STK32B: variants seen among roughly 807,000 people sequenced by gnomAD.
STK32B encodes serine/threonine-protein kinase 32B.
Under a neutral mutation model 52.6 loss-of-function variants are expected in STK32B, and 43 were observed. That is an observed-to-expected ratio of 0.82 (90% CI 0.64 to 1.05). The LOEUF (loss-of-function observed/expected upper bound fraction) is 1.05, where lower values mean the gene tolerates loss of function less well. STK32B is among the 50% of genes least tolerant of loss of function. STK32B has a pLI of 0.00. For synonymous variants in STK32B, 238 were observed against 204.3 expected, an observed-to-expected ratio of 1.17 and a Z score of -1.41; for missense variants, 621 against 534.6, an observed-to-expected ratio of 1.16 and a Z score of -1.59.
At chr4:5,493,339 T>G (rs2108729172) in intron 11 of STK32B, among the ~76,000 whole-genome samples, 1 of 152,350 alleles carries the variant, frequency 6.6e-6, no homozygotes, top group Admixed American at 6.5e-5. Flanking sequence ...TTCATCCATT[T>G]CTTCTAGATT....
chr4:5,178,171 T>C (rs1720074544), intron 3 of STK32B, among the ~76,000 whole-genome samples: 2 of 152,186 alleles, frequency 1.3e-5, no homozygotes, highest in Admixed American at 1.3e-4. Flanking sequence ...TTTCTATACA[T>C]CCTCTGAAAT....
chr4:5,175,898 A>G (rs1719837820), intron 3 of STK32B, among the ~76,000 whole-genome samples: 1 of 152,242 alleles, frequency 6.6e-6, no homozygotes. Context: ...CTGCCCCCAG[A>G]GGTGGAGCCT....
chr4:5,267,666 AG>A (rs1391745520), intron 3 of STK32B, among the ~76,000 whole-genome samples: 1 of 152,192 alleles, frequency 6.6e-6, no homozygotes, highest in African/African-American at 2.4e-5. Context: ...TGGTTATGCA[AG>A]TCTCCTGATG....
chr4:5,303,688 T>G (rs1236141189), intron 3 of STK32B, among the ~76,000 whole-genome samples: 2 of 152,142 alleles, frequency 1.3e-5, no homozygotes, highest in East Asian at 3.8e-4. Flanking sequence ...TTAGTTTAAT[T>G]AATTCCCATC....
At chr4:5,498,044 A>G (rs564154321) in intron 11 of STK32B, among the ~76,000 whole-genome samples, 1 of 152,310 alleles carries the variant, frequency 6.6e-6, no homozygotes, top group East Asian at 1.9e-4. Context: ...TGAACAATAG[A>G]ATCCCTAGTT....
intron 4 of STK32B, among the ~76,000 whole-genome samples, chr4:5,356,358 C>T (rs1577388481): frequency 6.6e-6 from 1 of 152,240 alleles, no homozygotes; most frequent in Non-Finnish European, 1.5e-5. Context: ...CTCCAGATAC[C>T]TAATTTAATT....
Position 5,146,164 on chromosome 4 carries a change from A to T in STK32B, c.108+6204A>T, listed in dbSNP as rs536984763. Among the ~76,000 whole-genome samples, 25 of 151,986 alleles carry T rather than the reference A, an allele frequency of 1.6e-4. No homozygotes were observed. In the East Asian group the frequency reaches 4.3e-3, roughly 26 times the overall value. On this transcript the variant is annotated intron_variant, in intron 2 of 11. Coordinates refer to ENST00000282908, the MANE Select transcript of STK32B (RefSeq NM_018401.3). The stretch of plus-strand genomic sequence containing the variant: ...GACAGAATTAATAGGATATATGTAT[A>T]TATGAAGGGGAGTTTATTAAGGAGA...
chr4:5,025,788 C>T, the STK32B span, among the ~76,000 whole-genome samples: 566 of 152,344 alleles, frequency 3.7e-3, 5 homozygotes, highest in Middle Eastern at 0.024. Flanking sequence ...ACTGGCCCAA[C>T]AGAGGAGTCC....
At chr4:5,227,789 C>T (rs1408408462) in intron 3 of STK32B, among the ~76,000 whole-genome samples, 1 of 152,122 alleles carries the variant, frequency 6.6e-6, no homozygotes, top group Non-Finnish European at 1.5e-5. Context: ...GATGAAAATT[C>T]AGTAATTTTT....
chr4:5,074,655 C>A (rs754112294), intron 1 of STK32B, among the ~76,000 whole-genome samples: 1 of 152,064 alleles, frequency 6.6e-6, no homozygotes, highest in Non-Finnish European at 1.5e-5. Context: ...TATTAGCTAG[C>A]ATTATCATTT....
At chr4:5,074,727 ATC>A (rs1711977859) in intron 1 of STK32B, among the ~76,000 whole-genome samples, 1 of 152,244 alleles carries the variant, frequency 6.6e-6, no homozygotes, top group African/African-American at 2.4e-5. Context: ...CAGATATTGT[ATC>A]TCTCAGTTAT....
At chr4:5,334,016 A>C (rs915253627) in intron 4 of STK32B, among the ~76,000 whole-genome samples, 5 of 152,178 alleles carry the variant, frequency 3.3e-5, no homozygotes, top group African/African-American at 1.2e-4. Flanking sequence ...CTGTGAAGAA[A>C]GTCATTGGTA....
chr4:5,482,414 G>C (rs1045300409), intron 11 of STK32B, among the ~76,000 whole-genome samples: 16 of 152,162 alleles, frequency 1.1e-4, no homozygotes, highest in Non-Finnish European at 1.0e-4. Context: ...TAGAATGCTT[G>C]TGATTTTTGT....
intron 9 of STK32B, among the ~76,000 whole-genome samples, chr4:5,465,792 C>T (rs530000824): frequency 1.3e-3 from 204 of 152,302 alleles, no homozygotes; most frequent in African/African-American, 4.8e-3. Flanking sequence ...TCGCCTCTCT[C>T]CTTCTTGGCC....
At chr4:5,085,401 A>G (rs768560403) in intron 1 of STK32B, among the ~76,000 whole-genome samples, 1 of 152,244 alleles carries the variant, frequency 6.6e-6, no homozygotes, top group Non-Finnish European at 1.5e-5. Context: ...TAAATTGTGC[A>G]GTAAGGAGAC....
At chr4:5,342,159 A>G (rs1398239899) in intron 4 of STK32B, among the ~76,000 whole-genome samples, 1 of 152,160 alleles carries the variant, frequency 6.6e-6, no homozygotes, top group Non-Finnish European at 1.5e-5. Flanking sequence ...AAGGATCTAG[A>G]ACTAGAAACA....
chr4:5,027,698 C>T, the STK32B span, among the ~76,000 whole-genome samples: 597 of 152,260 alleles, frequency 3.9e-3, 4 homozygotes, highest in African/African-American at 0.014. Context: ...TACTTCCTCC[C>T]TCCTGTTACA....
chr4:5,471,182 T>G (rs1203895549), intron 11 of STK32B, among the ~76,000 whole-genome samples: 2 of 152,246 alleles, frequency 1.3e-5, no homozygotes, highest in Non-Finnish European at 2.9e-5. Context: ...CTGCACCTGC[T>G]GCAGGTTGCA....
At chr4:5,257,152 C>T (rs1328482443) in intron 3 of STK32B, among the ~76,000 whole-genome samples, 3 of 151,318 alleles carry the variant, frequency 2.0e-5, no homozygotes, top group Non-Finnish European at 2.9e-5. Flanking sequence ...AATGAATGAG[C>T]GGGCAACTGA....
Sources: allele counts gnomAD v4.1 joint callset (sites outside exome capture counted in the v4.1 genomes callset), GRCh38; gene constraint gnomAD v4.1.1; transcripts MANE v1.5; gene names NCBI Gene and HGNC (gene_info 2026-07-23, HGNC 2026-07-21).